ZBTB7C: variants seen among roughly 807,000 people sequenced by gnomAD.
The protein encoded by ZBTB7C is zinc finger and BTB domain containing 7C.
A neutral mutation model predicts 25.7 loss-of-function variants in ZBTB7C; 8 were observed. The ratio of observed to expected loss-of-function variants is 0.31; its 90% CI spans 0.18 to 0.56. The LOEUF is 0.56. ZBTB7C is among the 20% of genes least tolerant of loss of function. The probability of loss-of-function intolerance (pLI) is 0.91; values close to 1 mark genes in which losing one functional copy is unlikely to be tolerated. For synonymous variants in ZBTB7C, 394 were observed against 369.0 expected, an observed-to-expected ratio of 1.07 and a Z score of -0.78; for missense variants, 824 against 855.2, an observed-to-expected ratio of 0.96 and a Z score of 0.46.
intron 2 of ZBTB7C, among the ~76,000 whole-genome samples, chr18:48,328,949 T>C (rs1486802282): frequency 1.3e-5 from 2 of 152,148 alleles, no homozygotes; most frequent in African/African-American, 2.4e-5. Flanking sequence ...CCATTAACCG[T>C]AAATCAAAGC....
intron 3 of ZBTB7C, among the ~76,000 whole-genome samples, chr18:48,163,168 T>A (rs1330413377): frequency 6.6e-6 from 1 of 152,186 alleles, no homozygotes; most frequent in African/African-American, 2.4e-5. Flanking sequence ...CTCTCTCCCA[T>A]CCTGACAGGA....
intron 2 of ZBTB7C, among the ~76,000 whole-genome samples, chr18:48,218,371 C>T (rs1272249567): frequency 6.6e-6 from 1 of 152,200 alleles, no homozygotes; most frequent in Non-Finnish European, 1.5e-5. Context: ...CTGCCTCTGC[C>T]CCCAGGTATT....
intron 2 of ZBTB7C, among the ~76,000 whole-genome samples, chr18:48,286,846 G>A (rs2045070565): frequency 6.6e-6 from 1 of 152,080 alleles, no homozygotes; most frequent in South Asian, 2.1e-4. Flanking sequence ...GAGCTCAGGA[G>A]TTTGAGACCA....
At chr18:48,350,516 C>T (rs2046840386) in intron 1 of ZBTB7C, 2 of 152,158 alleles carry the variant, frequency 1.3e-5, no homozygotes, top group African/African-American at 2.4e-5. Context: ...TCTGCAAAGC[C>T]CCTGTGTCAC....
intron 2 of ZBTB7C, among the ~76,000 whole-genome samples, chr18:48,305,081 C>T (rs992349490): frequency 2.0e-5 from 3 of 152,104 alleles, no homozygotes; most frequent in South Asian, 2.1e-4. Flanking sequence ...CCCAGGTGCG[C>T]GGGGCCTGCC....
chr18:48,040,067 G>A lies in ZBTB7C; in HGVS notation c.1041C>T (p.Phe347=). 6.2e-7 allele frequency: 1 copy of A among 1,613,450 alleles called. No homozygotes were observed. Among genetic ancestry groups the A allele is most frequent in the Non-Finnish European group, 8.5e-7 (1 of 1,179,640 alleles). The part of the protein sequence containing the change: ...FLSATHLGGL[F]PPWPLVEERK... ...GCTCTTCTACCAGGGGCCAGGGTGG[G>A]AAGAGGCCTCCCAGGTGGGTGGCAC... Residue 347 remains phenylalanine (F), a synonymous_variant, in exon 4 of 5, where the codon TTC becomes TTT. Transcript: ENST00000590800.
chr18:48,086,757 T>G (rs554521265), intron 3 of ZBTB7C, among the ~76,000 whole-genome samples: 1 of 152,236 alleles, frequency 6.6e-6, no homozygotes, highest in Non-Finnish European at 1.5e-5. Context: ...GGCTTAGTAC[T>G]TATTGTTAAG....
chr18:48,380,030 C>A (rs1400538174), intron 1 of ZBTB7C, among the ~76,000 whole-genome samples: 2 of 152,120 alleles, frequency 1.3e-5, no homozygotes, highest in Non-Finnish European at 2.9e-5. Context: ...ACCCACAGAA[C>A]TTTATAGCAC....
chr18:48,102,526 T>C (rs889656266), intron 3 of ZBTB7C, among the ~76,000 whole-genome samples: 1 of 145,096 alleles, frequency 6.9e-6, no homozygotes, highest in African/African-American at 2.6e-5. Flanking sequence ...AATTGCTCCA[T>C]TGCACTCCAG....
intron 3 of ZBTB7C, among the ~76,000 whole-genome samples, chr18:48,142,120 AG>A (rs1176929208): frequency 1.3e-5 from 2 of 152,240 alleles, no homozygotes; most frequent in Non-Finnish European, 2.9e-5. Flanking sequence ...ACTGTGTGTT[AG>A]GGGGGCAACC....
At chr18:48,253,067 G>T (rs1450208782) in intron 2 of ZBTB7C, among the ~76,000 whole-genome samples, 1 of 152,094 alleles carries the variant, frequency 6.6e-6, no homozygotes, top group Admixed American at 6.5e-5. Context: ...GGACTTAACA[G>T]CAGTGCAAAG....
intron 1 of ZBTB7C, among the ~76,000 whole-genome samples, chr18:48,398,430 C>G (rs558787965): frequency 2.0e-5 from 3 of 152,274 alleles, no homozygotes; most frequent in Admixed American, 6.5e-5. Flanking sequence ...CAAGTGAGAC[C>G]AAGGACATGG....
At chr18:48,341,765 G>A (rs902924852) in intron 1 of ZBTB7C, among the ~76,000 whole-genome samples, 1 of 152,330 alleles carries the variant, frequency 6.6e-6, no homozygotes, top group African/African-American at 2.4e-5. Context: ...CACAAAATGA[G>A]CAAGAAACTG....
chr18:48,179,914 CT>C (rs1220400824), intron 3 of ZBTB7C, among the ~76,000 whole-genome samples: 25 of 135,360 alleles, frequency 1.8e-4, no homozygotes, highest in African/African-American at 6.8e-4. Flanking sequence ...TCCTTCCTCC[CT>C]TCCTTCCTTC....
intron 3 of ZBTB7C, among the ~76,000 whole-genome samples, chr18:48,070,919 C>T (rs1452863886): frequency 6.6e-6 from 1 of 152,150 alleles, no homozygotes; most frequent in East Asian, 1.9e-4. Context: ...CCAGCCCAAG[C>T]AGTAAAAATT....
upstream of ZBTB7C, among the ~76,000 whole-genome samples, chr18:48,411,441 C>T (rs2048383607): frequency 6.6e-6 from 1 of 152,236 alleles, no homozygotes; most frequent in Non-Finnish European, 1.5e-5. Flanking sequence ...GTGGCAGCCA[C>T]TGCCCTCTCA....
chr18:48,259,012 C>T (rs977816878), intron 2 of ZBTB7C, among the ~76,000 whole-genome samples: 6 of 149,944 alleles, frequency 4.0e-5, no homozygotes, highest in East Asian at 2.0e-4. Flanking sequence ...TGCAGTGGTG[C>T]GATCTCAGCT....
intron 1 of ZBTB7C, among the ~76,000 whole-genome samples, chr18:48,367,535 G>A (rs907134738): frequency 5.9e-5 from 9 of 151,328 alleles, no homozygotes; most frequent in African/African-American, 1.5e-4. Flanking sequence ...ATATCAATGC[G>A]CACAGACAAG....
At chr18:48,384,161 A>T (rs1049120735) in intron 1 of ZBTB7C, among the ~76,000 whole-genome samples, 2 of 152,218 alleles carry the variant, frequency 1.3e-5, no homozygotes, top group African/African-American at 4.8e-5. Flanking sequence ...GATGGAAATA[A>T]GATACAAGGC....
Sources: gnomAD v4.1 joint callset for allele counts (sites outside exome capture counted in the v4.1 genomes callset) on GRCh38, gnomAD v4.1.1 for gene constraint, MANE v1.5 for transcripts, NCBI Gene and HGNC (gene_info 2026-07-23, HGNC 2026-07-21) for gene names.